Variants in ADAMTS13 observed in about 807,000 individuals in gnomAD.
ADAMTS13 encodes ADAM metallopeptidase with thrombospondin type 1 motif 13, also known as A disintegrin and metalloproteinase with thrombospondin motifs 13.
ADAMTS13 carries 110 observed loss-of-function variants against 155.1 expected under a neutral mutation model. The ratio of observed to expected loss-of-function variants is 0.71; its 90% CI spans 0.61 to 0.83. The LOEUF (loss-of-function observed/expected upper bound fraction) is 0.83, where lower values mean the gene tolerates loss of function less well. Among genes scored for constraint, ADAMTS13 ranks in the 40% least tolerant of loss-of-function variants. The pLI, the probability that ADAMTS13 is intolerant of heterozygous loss-of-function variation, is 0.00. For synonymous variants in ADAMTS13, 758 were observed against 756.4 expected (o/e 1.00, Z -0.03); for missense variants, 1,707 against 1,891.7 (o/e 0.90, Z 1.81).
rs782356539 is a variant in ADAMTS13 at position 133,426,356 on chromosome 9, C to A, written c.686+11C>A. The A allele has an allele frequency of 6.3e-7, 1 of 1,599,488 alleles. No homozygotes were observed. Among genetic ancestry groups the A allele is most frequent in the East Asian group, 2.2e-5 (1 of 44,868 alleles). On this transcript the variant is annotated intron_variant, in intron 6 of 28. Transcript: ENST00000355699. The stretch of plus-strand genomic sequence containing the variant: ...TGAGATTGGGCACAGGTATGTAGCC[C>A]CACCAGCTGTCCCCAGGATCTGGCA...
chr9:133,429,064 A>C (rs1249296627), intron 7 of ADAMTS13, among the ~76,000 whole-genome samples: 8 of 129,246 alleles, frequency 6.2e-5, no homozygotes, highest in South Asian at 2.6e-4. Flanking sequence ...TTCCTGTCCT[A>C]CCTCTCCATC....
Position 133,445,051 on chromosome 9 carries a change from A to G in ADAMTS13, c.2609A>G (p.His870Arg). Residue 870 changes from histidine (H) to arginine (R), a missense_variant and splice_region_variant, in exon 20 of 29, where the codon CAT becomes CGT. His to Arg is a conservative substitution (Grantham distance 29, BLOSUM62 0). Transcript: ENST00000355699. The surrounding 1 kb of genome is among the most constrained non-coding windows in gnomAD (Gnocchi z 5.0). The part of the protein sequence containing the change: ...VGMSCPPGWG[H>R]LDATSAGEKA... The stretch of plus-strand genomic sequence containing the variant: ...ATGTCATGTCCTCCAGGCTGGGGCC[A>G]TGTGAGTGCCCTGGGCATGAGGGTG... 6.2e-7 allele frequency: 1 copy of G among 1,612,588 alleles called. No homozygotes were observed. Among genetic ancestry groups the G allele is most frequent in the African/African-American group, 1.3e-5 (1 of 75,038 alleles).
At position 133,425,650 on chromosome 9, in the gene ADAMTS13, CG is replaced by C. The variant is rs892552398; in HGVS notation, c.414+41del. ...CTGGAACTCAGCACACCATACAGAG[CG>C]GGAAGCCCAAGTCATCGCATCTCCA... On this transcript the variant is annotated intron_variant, in intron 4 of 28. Transcript: ENST00000355699. This position sits in a 1 kb window ranked among gnomAD's most constrained non-coding sequence, Gnocchi z 4.6. The C allele has an allele frequency of 2.5e-6, 4 of 1,600,114 alleles. No individual in the cohort carries two copies. The African/African-American group carries it at 5.4e-5, about 21-fold the overall frequency.
rs34233340 is a variant in ADAMTS13, at chr9:133,438,910, C to CAAAAA, written c.1706-442_1706-438dup. 1.9e-3 allele frequency among the ~76,000 whole-genome samples: 214 copies of CAAAAA among 111,118 alleles called. 2 individuals carry two copies. Among genetic ancestry groups the CAAAAA allele is most frequent in the Admixed American group, 0.012 (123 of 10,236 alleles). 72.9% of individuals were successfully genotyped at this position (111,118 alleles called of 152,430 possible). A position where few individuals can be genotyped will look rare whatever the true frequency, so the allele number is the denominator to read the frequency against. ...CGGGCAACAGAGTGAGACACTGTCT[C>CAAAAA]AAAAAAAAAAAAAAAAAAGTATGGA... On this transcript the variant is annotated intron_variant, in intron 14 of 28. Transcript: ENST00000355699.
chr9:133,446,106 C>G (rs1359631049), intron 21 of ADAMTS13, among the ~76,000 whole-genome samples: 37 of 152,268 alleles, frequency 2.4e-4, no homozygotes, highest in Non-Finnish European at 1.5e-4. Flanking sequence ...CAATTGATGA[C>G]CCGAGCAGAG....
chr9:133,419,290 G>A (rs1554782473), upstream of ADAMTS13, among the ~76,000 whole-genome samples: 1 of 152,184 alleles, frequency 6.6e-6, no homozygotes, highest in African/African-American at 2.4e-5. Flanking sequence ...AAGTATGGGG[G>A]TGGAGCCATG....
At chr9:133,446,239 A>G (rs999482852) in intron 21 of ADAMTS13, among the ~76,000 whole-genome samples, 4 of 152,236 alleles carry the variant, frequency 2.6e-5, no homozygotes, top group African/African-American at 9.7e-5. Flanking sequence ...TCAGTGGCAT[A>G]AAAGCACAGT....
At chr9:133,457,407 C>T (rs3094327) in intron 27 of ADAMTS13, among the ~76,000 whole-genome samples, 23,940 of 152,236 alleles carry the variant, frequency 0.16, 2,172 homozygotes, top group African/African-American at 0.23. Flanking sequence ...TGTATGTGTC[C>T]CAGTGCACAG....
intron 14 of ADAMTS13, among the ~76,000 whole-genome samples, 168 bp downstream of exon 14, chr9:133,438,534 C>T (rs1554789806): frequency 1.3e-5 from 2 of 152,166 alleles, no homozygotes; most frequent in African/African-American, 4.8e-5. Flanking sequence ...CGCCACCCTT[C>T]TGTGGCAGGC....
In ADAMTS13 at chr9:133,444,891, A is replaced by C. The variant is rs1554792006; in HGVS notation, c.2449A>C (p.Thr817Pro). The C allele has an allele frequency of 6.2e-7, 1 of 1,613,230 alleles. No homozygotes were observed. The highest frequency in any genetic ancestry group is 8.5e-7 in the Non-Finnish European group (1 of 1,180,012). The change falls in exon 20 of 29, where the codon ACA becomes CCA. Residue 817 changes from threonine to proline, a missense_variant. Physicochemically the swap from Thr to Pro is conservative, Grantham distance 38. This residue lies in a region of ADAMTS13 where 961 missense variants were observed against 1,107.9 expected (regional missense o/e 0.87). Coordinates refer to ENST00000355699, the MANE Select transcript of ADAMTS13 (RefSeq NM_139027.6). ...RWEVSEPSSC[T>P]SAGGAGLALE... Reference sequence around the variant, plus strand: ...GGAGGTGTCAGAGCCCAGCTCATGCACATCAGCTGGTGGAGCAGGCCTGGC... The same window carrying C: ...GGAGGTGTCAGAGCCCAGCTCATGCCCATCAGCTGGTGGAGCAGGCCTGGC...
At chr9:133,442,561 A>G (rs1841752246) in intron 17 of ADAMTS13, 27 bp downstream of exon 17, 1 of 1,613,486 alleles carries the variant, frequency 6.2e-7, no homozygotes, top group Non-Finnish European at 8.5e-7. Flanking sequence ...GCTCATCCAC[A>G]GCACGGCTTG....
intron 25 of ADAMTS13, chr9:133,455,846 T>C (rs1842708650): frequency 6.6e-6 from 5 of 762,410 alleles, no homozygotes; most frequent in Admixed American, 4.4e-5. Flanking sequence ...CTGCTCTGCA[T>C]GTGCCCCCTC....
At chr9:133,434,997 AG>A (rs1841069341) in intron 11 of ADAMTS13, among the ~76,000 whole-genome samples, 1 of 152,260 alleles carries the variant, frequency 6.6e-6, no homozygotes, top group South Asian at 2.1e-4. Flanking sequence ...ATTCCACTGC[AG>A]GGATAGACCA....
Position 133,424,185 on chromosome 9 carries a change from T to C in ADAMTS13, c.173-136T>C. On this transcript the variant is annotated intron_variant, in intron 2 of 28. Transcript: ENST00000355699. The surrounding 1 kb of genome is among the most constrained non-coding windows in gnomAD (Gnocchi z 4.3). ...TGCCTAGTCACTAATGGGGTCTGGC[T>C]CTTGGGGTGGGGGTGACACGCAATG... The C allele has an allele frequency of 7.1e-7, 1 of 1,399,628 alleles. No homozygotes were observed. Among genetic ancestry groups the C allele is most frequent in the African/African-American group, 1.4e-5 (1 of 71,024 alleles). 86.7% of individuals were successfully genotyped at this position (1,399,628 alleles called of 1,614,324 possible). A position where few individuals can be genotyped will look rare whatever the true frequency, so the allele number is the denominator to read the frequency against.
At position 133,440,776 on chromosome 9, in the gene ADAMTS13, G is replaced by C. The variant is rs1841612847; in HGVS notation, c.1968+251G>C. On this transcript the variant is annotated intron_variant, in intron 16 of 28. Coordinates refer to ENST00000355699, the MANE Select transcript of ADAMTS13 (RefSeq NM_139027.6). The surrounding 1 kb of genome is among the most constrained non-coding windows in gnomAD (Gnocchi z 4.3). ...GTGGGAGAAGGCCCTGCAGTTCTGG[G>C]ATCAGGTAAGGTTGGAGGGCCCAAT... 6.6e-6 allele frequency among the ~76,000 whole-genome samples: 1 copy of C among 152,174 alleles called. No individual in the cohort carries two copies. The highest frequency in any genetic ancestry group is 2.1e-4 in the South Asian group (1 of 4,828).
chr9:133,446,686 A>G (rs890687477), intron 21 of ADAMTS13, among the ~76,000 whole-genome samples: 1 of 152,148 alleles, frequency 6.6e-6, no homozygotes, highest in Non-Finnish European at 1.5e-5. Flanking sequence ...TTTTGGGTGT[A>G]TATCTAGAAG....
intron 22 of ADAMTS13, among the ~76,000 whole-genome samples, chr9:133,449,474 G>A (rs929626919): frequency 1.3e-5 from 2 of 152,134 alleles, no homozygotes; most frequent in Admixed American, 6.5e-5. Context: ...CGGTGGTGCT[G>A]GGATCACTGT....
Position 133,430,012 on chromosome 9 carries a change from C to G in ADAMTS13, c.898C>G (p.Gln300Glu), listed in dbSNP as rs1554786761. The part of the protein sequence containing the change: ...PGSAGHPPDA[Q>E]PGLYYSANEQ... ...GTCCGCGGGGCACCCGCCGGATGCG[C>G]AGCCTGGCCTCTACTACAGCGCCAA... is the stretch of plus-strand genomic sequence containing the variant. The change falls in exon 8 of 29, where the codon CAG becomes GAG. Residue 300 changes from glutamine (Q) to glutamate (E), a missense_variant. By Grantham distance (29) the Gln-to-Glu change is conservative. Coordinates refer to ENST00000355699, the MANE Select transcript of ADAMTS13 (RefSeq NM_139027.6). 1 of 1,582,762 alleles carries G rather than the reference C, an allele frequency of 6.3e-7. No individual in the cohort carries two copies. The highest frequency in any genetic ancestry group is 1.7e-5 in the Admixed American group (1 of 58,062).
chr9:133,433,443 C>T lies in ADAMTS13; in HGVS notation c.1158C>T (p.Arg386=). Residue 386 remains arginine, a synonymous_variant, in exon 10 of 29, where the codon CGC becomes CGT. Coordinates refer to ENST00000355699, the MANE Select transcript of ADAMTS13 (RefSeq NM_139027.6). ...ELTPIAAVHG[R]WSSWGPRSPC... ...CCCCCATAGCAGCAGTGCATGGGCG[C>T]TGGTCTAGCTGGGGTCCCCGAAGTC... 6.2e-7 allele frequency: 1 copy of T among 1,613,416 alleles called. No individual in the cohort carries two copies. The highest frequency in any genetic ancestry group is 1.1e-5 in the South Asian group (1 of 91,070).
Sources: gnomAD v4.1 joint callset for allele counts (sites outside exome capture counted in the v4.1 genomes callset) on GRCh38, gnomAD v4.1.1 for gene constraint, gnomAD v4.1.1 regional missense constraint, Gnocchi (gnomAD v3.1) non-coding constraint, MANE v1.5 for transcripts, NCBI Gene and HGNC (gene_info 2026-07-23, HGNC 2026-07-21) for gene names.